VPS13B: variants seen among roughly 807,000 people sequenced by gnomAD.
VPS13B encodes the protein vacuolar protein sorting 13 homolog B.
VPS13B carries 285 observed loss-of-function variants against 426.4 expected under a neutral mutation model. That is an observed-to-expected ratio of 0.67 (90% confidence interval 0.61 to 0.74). The LOEUF (loss-of-function observed/expected upper bound fraction) is 0.74, where lower values mean the gene tolerates loss of function less well. Among genes scored for constraint, VPS13B ranks in the 30% least tolerant of loss-of-function variants. The pLI is 0.00. For missense variants in VPS13B, 4,537 were observed against 4,782.6 expected, an observed-to-expected ratio of 0.95 and a Z score of 1.51; for synonymous variants, 1,676 against 1,676.4, an observed-to-expected ratio of 1.00 and a Z score of 0.01.
intron 21 of VPS13B, among the ~76,000 whole-genome samples, chr8:99,417,919 G>A (rs945875926): frequency 6.6e-6 from 1 of 151,840 alleles, no homozygotes; most frequent in Admixed American, 6.6e-5. Flanking sequence ...AATAGTTGAC[G>A]TGATTTTAAG....
intron 54 of VPS13B, among the ~76,000 whole-genome samples, chr8:99,844,747 T>G (rs1167868870): frequency 6.6e-6 from 1 of 152,188 alleles, no homozygotes; most frequent in Non-Finnish European, 1.5e-5. Context: ...GGGGCTAGAA[T>G]TTCAGCGTAT....
chr8:99,209,699 G>A, intron 17 of VPS13B: 1 of 986,238 alleles, frequency 1.0e-6, no homozygotes, highest in Non-Finnish European at 1.2e-6. Flanking sequence ...AAGCCACTGT[G>A]CCTGGCCCTT....
intron 30 of VPS13B, among the ~76,000 whole-genome samples, chr8:99,544,008 G>GCACA (rs1554839309): frequency 6.9e-6 from 1 of 145,516 alleles, no homozygotes; most frequent in African/African-American, 2.6e-5. Context: ...AAAGACACAT[G>GCACA]CACACGTATG....
At chr8:99,326,893 C>G (rs1285946456) in intron 19 of VPS13B, among the ~76,000 whole-genome samples, 1 of 152,184 alleles carries the variant, frequency 6.6e-6, no homozygotes, top group East Asian at 1.9e-4. Context: ...GGCATTCAAT[C>G]TCAGACACAT....
intron 33 of VPS13B, among the ~76,000 whole-genome samples, chr8:99,605,877 C>T (rs894412957): frequency 1.3e-5 from 2 of 152,080 alleles, no homozygotes; most frequent in Non-Finnish European, 1.5e-5. Flanking sequence ...GGAGCTGAAA[C>T]TTTTTTTGTT....
At chr8:99,745,028 A>C (rs1449545274) in intron 39 of VPS13B, among the ~76,000 whole-genome samples, 2 of 152,044 alleles carry the variant, frequency 1.3e-5, no homozygotes, top group Non-Finnish European at 2.9e-5. Flanking sequence ...ATTAAAATAT[A>C]TCATTTGATA....
chr8:99,174,846 G>T (rs1812543589), intron 16 of VPS13B, among the ~76,000 whole-genome samples: 1 of 152,098 alleles, frequency 6.6e-6, no homozygotes, highest in South Asian at 2.1e-4. Context: ...CATGTAGATT[G>T]TCTTTTAAAA....
intron 21 of VPS13B, among the ~76,000 whole-genome samples, chr8:99,405,460 G>A (rs1815271406): frequency 6.6e-6 from 1 of 152,048 alleles, no homozygotes; most frequent in Non-Finnish European, 1.5e-5. Context: ...ATCATTTTTT[G>A]TACAGAGTAA....
At chr8:99,066,971 A>G (rs763041562) in intron 3 of VPS13B, among the ~76,000 whole-genome samples, 30 of 152,210 alleles carry the variant, frequency 2.0e-4, no homozygotes, top group South Asian at 4.1e-4. Context: ...TAGAATGGCA[A>G]TCATTAGAAA....
Position 99,871,329 on chromosome 8 carries a change from C to T in VPS13B, c.11496-119C>T, listed in dbSNP as rs182046515. On this transcript the variant is annotated intron_variant, in intron 60 of 61. Transcript: ENST00000357162. ...TTACATTTCAAGCTAAAATGGGTAA[C>T]TGGATTGGTGAGGGCCCTTTGCCCT... The T allele has an allele frequency of 3.5e-5, 52 of 1,466,612 alleles. 1 individual carries two copies. In the Admixed American group the frequency reaches 7.1e-4, roughly 20 times the overall value. 90.8% of individuals were successfully genotyped at this position (1,466,612 alleles called of 1,614,324 possible).
intron 7 of VPS13B, among the ~76,000 whole-genome samples, chr8:99,117,301 T>C (rs2132503145): frequency 6.6e-6 from 1 of 152,194 alleles, no homozygotes; most frequent in Admixed American, 6.5e-5. Context: ...ATAACAGGTA[T>C]TGGTGAGGAT....
chr8:99,665,751 G>C (rs1332077703), intron 35 of VPS13B, among the ~76,000 whole-genome samples: 1 of 152,140 alleles, frequency 6.6e-6, no homozygotes, highest in African/African-American at 2.4e-5. Context: ...GTCAGGTAGC[G>C]TGATGCCTCC....
At chr8:99,705,317 G>T (rs752384168) in intron 36 of VPS13B, among the ~76,000 whole-genome samples, 27 of 152,086 alleles carry the variant, frequency 1.8e-4, no homozygotes, top group Non-Finnish European at 3.7e-4. Context: ...TTCAAAAAAT[G>T]TCCCATATTA....
At chr8:99,697,801 G>T in intron 35 of VPS13B, 1 of 614,172 alleles carries the variant, frequency 1.6e-6, no homozygotes, top group South Asian at 1.5e-5. Flanking sequence ...AGCAAGTCAG[G>T]CACATTCCAG....
chr8:99,853,946 G>C lies in VPS13B; in HGVS notation c.10557G>C (p.Leu3519Phe). The change falls in exon 56 of 62, where the codon TTG becomes TTC. Residue 3519 changes from leucine to phenylalanine, a missense_variant. Physicochemically the swap from Leu to Phe is conservative, Grantham distance 22 (BLOSUM62 0). Coordinates refer to ENST00000357162, the MANE Select transcript of VPS13B (RefSeq NM_152564.5). ...CATTTGTATACTACATCAAGACTTT[G>C]TTTGACACCTACCTTCCTAACAGCA... ...EDTFVYYIKTLFDTYLPNSRL... is the reference protein window; with the variant it reads ...EDTFVYYIKTFFDTYLPNSRL... The C allele has an allele frequency of 1.2e-6, 2 of 1,614,220 alleles. No individual in the cohort carries two copies. Among genetic ancestry groups the C allele is most frequent in the Non-Finnish European group, 1.7e-6 (2 of 1,180,030 alleles).
At chr8:99,819,013 G>T in intron 47 of VPS13B, 125 bp downstream of exon 47, 1 of 942,318 alleles carries the variant, frequency 1.1e-6, no homozygotes, top group Non-Finnish European at 1.6e-6. Context: ...GGAGTTTTTT[G>T]TATGATTTCT....
At chr8:99,560,325 T>C (rs1010747390) in intron 31 of VPS13B, among the ~76,000 whole-genome samples, 6 of 152,206 alleles carry the variant, frequency 3.9e-5, no homozygotes, top group Admixed American at 1.3e-4. Flanking sequence ...GATGGGATTT[T>C]CTAAATATAA....
intron 3 of VPS13B, among the ~76,000 whole-genome samples, chr8:99,058,727 A>G (rs1015465035): frequency 6.6e-6 from 1 of 152,218 alleles, no homozygotes; most frequent in African/African-American, 2.4e-5. Flanking sequence ...AAGAAAAGTT[A>G]TGGAGCCCAG....
intron 24 of VPS13B, among the ~76,000 whole-genome samples, chr8:99,472,930 A>G (rs544644177): frequency 3.3e-5 from 5 of 152,214 alleles, no homozygotes; most frequent in South Asian, 2.1e-4. Context: ...GGAAATTTTC[A>G]TTGGAAAAGA....
Sources: gnomAD v4.1 joint callset for allele counts (sites outside exome capture counted in the v4.1 genomes callset) on GRCh38, gnomAD v4.1.1 for gene constraint, MANE v1.5 for transcripts, NCBI Gene and HGNC (gene_info 2026-07-23, HGNC 2026-07-21) for gene names.